The following RNF213 variants were observed in gnomAD, a reference collection of about 807,000 sequenced individuals.
RNF213 encodes E3 ubiquitin-protein ligase RNF213.
RNF213 carries 341 observed loss-of-function variants against 514.4 expected under a neutral mutation model. The ratio of observed to expected loss-of-function variants is 0.66; its 90% confidence interval spans 0.61 to 0.73. The LOEUF (loss-of-function observed/expected upper bound fraction) is 0.73. Ranked by LOEUF, RNF213 falls within the 30% of genes least tolerant of loss-of-function variation. RNF213 has a pLI of 0.00. For missense variants in RNF213, 5,767 were observed against 6,615.6 expected (o/e 0.87, Z 4.45); for synonymous variants, 2,655 against 2,658.2 (o/e 1.00, Z 0.04).
intron 47 of RNF213, 35 bp downstream of exon 47, chr17:80,372,020 G>T: frequency 5.6e-6 from 6 of 1,071,942 alleles, no homozygotes; most frequent in Non-Finnish European, 4.4e-6. Flanking sequence ...ATTTCTTTTG[G>T]AAACTATCTG....
Position 80,391,976 on chromosome 17 carries a change from C to T in RNF213, c.15471-1369C>T, listed in dbSNP as rs2080492959. Among the ~76,000 whole-genome samples the T allele has an allele frequency of 3.3e-5, 5 of 151,854 alleles. No homozygotes were observed. In the South Asian group the frequency reaches 1.0e-3, roughly 32 times the overall value. ...TAGAGACGGGTTTCACCATGTTGACCAGGCTGGTCTCGATCTCCTGACCTC... is the reference window on the plus strand; with the variant it reads ...TAGAGACGGGTTTCACCATGTTGACTAGGCTGGTCTCGATCTCCTGACCTC... On this transcript the variant is annotated intron_variant, in intron 67 of 67. Coordinates refer to ENST00000582970, the MANE Select transcript of RNF213 (RefSeq NM_001256071.3).
intron 52 of RNF213, 102 bp downstream of exon 52, chr17:80,376,645 A>ATC: frequency 1.3e-6 from 2 of 1,505,366 alleles, no homozygotes; most frequent in Non-Finnish European, 1.8e-6. Context: ...GAGCATCTTT[A>ATC]TCTCCTCAGT....
In RNF213 at chr17:80,315,185, C is replaced by G. The variant is rs370815214; in HGVS notation, c.2812-2003C>G. 1.4e-3 allele frequency among the ~76,000 whole-genome samples: 10 copies of G among 7,142 alleles called. 1 individual carries two copies. The highest frequency in any genetic ancestry group is 2.9e-3 in the Admixed American group (1 of 350). The allele number at this position is 7,142 out of a possible 152,430, so 4.7% of individuals were successfully genotyped here. A position where few individuals can be genotyped will look rare whatever the true frequency, so the allele number is the denominator to read the frequency against. On this transcript the variant is annotated intron_variant, in intron 15 of 67. Coordinates refer to ENST00000582970, the MANE Select transcript of RNF213 (RefSeq NM_001256071.3). Reference sequence around the variant, plus strand: ...AGGTAATGGAGGTGATGGTGGTGGACGTGATGGTGGAGGTAATGGAGGTGA... The same window carrying G: ...AGGTAATGGAGGTGATGGTGGTGGAGGTGATGGTGGAGGTAATGGAGGTGA...
chr17:80,375,659 T>C (rs925612985), intron 50 of RNF213, 101 bp from the exon 51 acceptor site: 17 of 807,614 alleles, frequency 2.1e-5, no homozygotes, highest in Non-Finnish European at 3.5e-5. Flanking sequence ...GCCGAGATCA[T>C]GCCACTGCAC....
chr17:80,363,081 A>C, intron 39 of RNF213, 21 bp from the exon 40 acceptor site: 1 of 1,601,916 alleles, frequency 6.2e-7, no homozygotes, highest in South Asian at 1.1e-5. Flanking sequence ...AATATATTCT[A>C]AAAGCTTTTT....
chr17:80,284,373 CA>C (rs1187731518), intron 3 of RNF213, among the ~76,000 whole-genome samples: 1 of 149,028 alleles, frequency 6.7e-6, no homozygotes, highest in Non-Finnish European at 1.5e-5. Flanking sequence ...TCAAAAAAAA[CA>C]AAAACAAAAA....
At chr17:80,311,006 T>C (rs916095340) in intron 14 of RNF213, among the ~76,000 whole-genome samples, 2 of 152,232 alleles carry the variant, frequency 1.3e-5, no homozygotes, top group Non-Finnish European at 2.9e-5. Flanking sequence ...GATGATCACG[T>C]TCTCTGGAGT....
At chr17:80,291,075 G>A (rs545885362) in intron 7 of RNF213, among the ~76,000 whole-genome samples, 3 of 152,272 alleles carry the variant, frequency 2.0e-5, no homozygotes, top group South Asian at 4.1e-4. Flanking sequence ...GCCTCCCAAA[G>A]TGCTGGGATT....
At chr17:80,390,948 C>A (rs1190200134) in intron 67 of RNF213, among the ~76,000 whole-genome samples, 1 of 151,992 alleles carries the variant, frequency 6.6e-6, no homozygotes, top group Non-Finnish European at 1.5e-5. Context: ...TGCAGTCCCA[C>A]CTACTCAGGA....
At position 80,290,813 on chromosome 17, in the gene RNF213, G is replaced by T. The variant is rs963975764; in HGVS notation, c.1271+85G>T. Reference sequence around the variant, plus strand: ...GTGACACGTAGTTTAAAAAAATTTTGTTTTTTTTTTTTCTGAGACGGAGTC... The same window carrying T: ...GTGACACGTAGTTTAAAAAAATTTTTTTTTTTTTTTTTCTGAGACGGAGTC... On this transcript the variant is annotated intron_variant, in intron 7 of 67. Coordinates refer to ENST00000582970, the MANE Select transcript of RNF213 (RefSeq NM_001256071.3). 1,583 of 1,290,582 alleles carry T rather than the reference G, an allele frequency of 1.2e-3. 2 individuals carry two copies. Among genetic ancestry groups the T allele is most frequent in the African/African-American group, 7.8e-3 (512 of 65,868 alleles). The allele number at this position is 1,290,582 out of a possible 1,614,324, so 79.9% of individuals were successfully genotyped here. A position where few individuals can be genotyped will look rare whatever the true frequency, so the allele number is the denominator to read the frequency against.
intron 42 of RNF213, 122 bp downstream of exon 42, chr17:80,364,675 A>G (rs968977679): frequency 4.2e-6 from 5 of 1,200,610 alleles, no homozygotes; most frequent in Admixed American, 3.7e-5. Context: ...TTGTCTAGAC[A>G]TGCAAAGGAA....
rs1361532687 is a variant in RNF213 at position 80,295,690 on chromosome 17, T to C, written c.1889T>C (p.Val630Ala). ...ACAGGCCTGATTGTCCTTTTTGTAGTGGAAAAAATTGAGCTTTTATTAGAA... is the reference window on the plus strand; with the variant it reads ...ACAGGCCTGATTGTCCTTTTTGTAGCGGAAAAAATTGAGCTTTTATTAGAA... Reference protein sequence around the residue: ...LKTGLIVLFVVEKIELLLEGS... With the variant: ...LKTGLIVLFVAEKIELLLEGS... Residue 630 changes from valine (V) to alanine (A), a missense_variant, in exon 10 of 68, where the codon GTG (valine) becomes GCG (alanine). Val to Ala is a moderately conservative substitution (Grantham distance 64). Transcript: ENST00000582970. 3.1e-6 allele frequency: 5 copies of C among 1,614,156 alleles called. No individual in the cohort carries two copies. Among genetic ancestry groups the C allele is most frequent in the Non-Finnish European group, 3.4e-6 (4 of 1,180,012 alleles).
At position 80,385,215 on chromosome 17, in the gene RNF213, C is replaced by T. The variant is rs200776945; in HGVS notation, c.14455+44C>T. 5.3e-4 allele frequency: 852 copies of T among 1,612,884 alleles called. 4 individuals carry two copies. The highest frequency in any genetic ancestry group is 1.0e-3 in the Admixed American group (63 of 60,014). On this transcript the variant is annotated intron_variant, in intron 60 of 67. Coordinates refer to ENST00000582970, the MANE Select transcript of RNF213 (RefSeq NM_001256071.3). ...AGGACCAGGACTGTCCCGCATTTGG[C>T]GGTTCGAAAGGATCACTGCATAGGG...
At chr17:80,338,412 G>A (rs2078050355) in intron 25 of RNF213, among the ~76,000 whole-genome samples, 1 of 152,158 alleles carries the variant, frequency 6.6e-6, no homozygotes, top group Non-Finnish European at 1.5e-5. Context: ...ATTGAGAATG[G>A]TGTACCGGTC....
At position 80,291,624 on chromosome 17, in the gene RNF213, A is replaced by C; in HGVS notation, c.1272-4A>C. ...ATAGCCAACCGTATCCTGTTCATTC[A>C]CAGAGACTTGGGTCATGACCGCGTT... is the stretch of plus-strand genomic sequence containing the variant. On this transcript the variant is annotated splice_region_variant and splice_polypyrimidine_tract_variant and intron_variant, in intron 7 of 67. Transcript: ENST00000582970. 1 of 1,614,194 alleles carries C rather than the reference A, an allele frequency of 6.2e-7. No homozygotes were observed. The highest frequency in any genetic ancestry group is 8.5e-7 in the Non-Finnish European group (1 of 1,180,012).
rs963291511 is a variant in RNF213, at chr17:80,339,293, C to G, written c.4926C>G (p.Tyr1642Ter). 20 of 1,536,518 alleles carry G rather than the reference C, an allele frequency of 1.3e-5. No homozygotes were observed. The Admixed American group carries it at 3.7e-4, about 29-fold the overall frequency. ...TCAGGACGTGGATCGCCATGGCCTACTGCTCCCCCAAGCAGGGTGTGTCCC... is the reference window on the plus strand; with the variant it reads ...TCAGGACGTGGATCGCCATGGCCTAGTGCTCCCCCAAGCAGGGTGTGTCCC... The part of the protein sequence containing the change: ...MLFRTWIAMA[Y>*]CSPKQGVSLQ... The change falls in exon 26 of 68, where the codon TAC becomes TAG. Residue 1642 changes from tyrosine to a stop codon, truncating the protein, a stop_gained. Coordinates refer to ENST00000582970, the MANE Select transcript of RNF213 (RefSeq NM_001256071.3). LOFTEE classifies it high-confidence loss of function.
rs2079148662 is a variant in RNF213 at position 80,363,852 on chromosome 17, A to G, written c.11750+62A>G. 6.6e-7 allele frequency: 1 copy of G among 1,503,990 alleles called. No individual in the cohort carries two copies. Among genetic ancestry groups the G allele is most frequent in the African/African-American group, 1.4e-5 (1 of 72,564 alleles). The allele number at this position is 1,503,990 out of a possible 1,614,324, so 93.2% of individuals were successfully genotyped here. On this transcript the variant is annotated intron_variant, in intron 41 of 67. Coordinates refer to ENST00000582970, the MANE Select transcript of RNF213 (RefSeq NM_001256071.3). ...GCGCGCGCTCACCAGGAGCCTGCCA[A>G]GTGCCAGGCATGTCCATGAGAAGAC...
chr17:80,384,711 C>G (rs1381817244), intron 59 of RNF213, among the ~76,000 whole-genome samples: 1 of 152,236 alleles, frequency 6.6e-6, no homozygotes, highest in Non-Finnish European at 1.5e-5. Flanking sequence ...TGGGTCTCTT[C>G]TTTCAGCAGC....
chr17:80,395,140 G>A lies in RNF213; in HGVS notation c.*1642G>A, dbSNP rs2080626518. 1 of 151,884 alleles carries A rather than the reference G, an allele frequency of 6.6e-6. No homozygotes were observed. The highest frequency in any genetic ancestry group is 1.5e-5 in the Non-Finnish European group (1 of 68,012). 9.4% of individuals were successfully genotyped at this position (151,884 alleles called of 1,614,324 possible). A position where few individuals can be genotyped will look rare whatever the true frequency, so the allele number is the denominator to read the frequency against. On this transcript the variant is annotated 3_prime_UTR_variant, in exon 68 of 68. Coordinates refer to ENST00000582970, the MANE Select transcript of RNF213 (RefSeq NM_001256071.3). Reference sequence around the variant, plus strand: ...GGAATTTTTCCCATTTTTATGAAGGGGTTTTAAATTGTTTCATTTTGTGTG... The same window carrying A: ...GGAATTTTTCCCATTTTTATGAAGGAGTTTTAAATTGTTTCATTTTGTGTG...
Sources: allele counts gnomAD v4.1 joint callset (sites outside exome capture counted in the v4.1 genomes callset), GRCh38; gene constraint gnomAD v4.1.1; transcripts MANE v1.5; gene names NCBI Gene and HGNC (gene_info 2026-07-23, HGNC 2026-07-21).